ATG2B: variants seen among roughly 807,000 people sequenced by gnomAD.
The protein encoded by ATG2B is autophagy-related protein 2 homolog B.
ATG2B carries 121 observed loss-of-function variants against 241.3 expected under a neutral mutation model. The observed-to-expected ratio is 0.50, with a 90% CI of 0.43 to 0.58. The LOEUF is 0.58. Among genes scored for constraint, ATG2B ranks in the 20% least tolerant of loss-of-function variants. The pLI, the probability that ATG2B is intolerant of heterozygous loss-of-function variation, is 0.00. For missense variants in ATG2B, 2,306 were observed against 2,491.6 expected (o/e 0.93, Z 1.59); for synonymous variants, 858 against 876.6 (o/e 0.98, Z 0.37).
intron 14 of ATG2B, among the ~76,000 whole-genome samples, chr14:96,326,679 C>T (rs1479563834): frequency 1.3e-5 from 2 of 152,196 alleles, no homozygotes; most frequent in Non-Finnish European, 2.9e-5. Context: ...CAATCAATTT[C>T]TAACCTCCAT....
chr14:96,284,569 A>G lies in ATG2B; in HGVS notation c.*1186T>C, dbSNP rs948053581. On this transcript the variant is annotated 3_prime_UTR_variant, in exon 42 of 42. Transcript: ENST00000359933. Reference sequence around the variant, plus strand: ...TTCCACCTTTTCTTTCTGCTGGATCAATCTAAAGTCAGGAATTGACAACAA... The same window carrying G: ...TTCCACCTTTTCTTTCTGCTGGATCGATCTAAAGTCAGGAATTGACAACAA... The G allele has an allele frequency of 9.2e-5, 14 of 152,206 alleles. 1 individual carries two copies. The East Asian group carries it at 1.2e-3, about 13-fold the overall frequency. 9.4% of individuals were successfully genotyped at this position (152,206 alleles called of 1,614,324 possible). A position where few individuals can be genotyped will look rare whatever the true frequency, so the allele number is the denominator to read the frequency against.
intron 23 of ATG2B, 38 bp from the exon 24 acceptor site, chr14:96,313,473 GA>G (rs746090644): frequency 9.8e-5 from 112 of 1,140,266 alleles, no homozygotes; most frequent in South Asian, 1.9e-4. Flanking sequence ...TGCTTTAGAA[GA>G]AAAAAAAGGT....
At chr14:96,302,759 TAA>T (rs1336978070) in intron 33 of ATG2B, among the ~76,000 whole-genome samples, 1 of 152,232 alleles carries the variant, frequency 6.6e-6, no homozygotes, top group Non-Finnish European at 1.5e-5. Context: ...TACTAAAATG[TAA>T]AGAGTGTTAG....
chr14:96,340,024 T>G (rs1887968773), intron 6 of ATG2B, among the ~76,000 whole-genome samples: 1 of 145,082 alleles, frequency 6.9e-6, no homozygotes, highest in Admixed American at 7.2e-5. Flanking sequence ...TACAGCACAC[T>G]ATTCACATAG....
chr14:96,304,181 C>T (rs976336217), intron 32 of ATG2B, among the ~76,000 whole-genome samples: 6 of 152,208 alleles, frequency 3.9e-5, no homozygotes, highest in African/African-American at 1.4e-4. Flanking sequence ...CCTCAGACTT[C>T]CTGAATCAGA....
intron 29 of ATG2B, among the ~76,000 whole-genome samples, chr14:96,309,198 G>A (rs1887082873): frequency 6.6e-6 from 1 of 152,066 alleles, no homozygotes; most frequent in Non-Finnish European, 1.5e-5. Context: ...CCAGTTTTGT[G>A]CCCATTTGTT....
chr14:96,317,160 C>T lies in ATG2B; in HGVS notation c.3195G>A (p.Val1065=), dbSNP rs2139865327. 4.3e-6 allele frequency: 7 copies of T among 1,611,196 alleles called. No homozygotes were observed. Among genetic ancestry groups the T allele is most frequent in the African/African-American group, 1.3e-5 (1 of 74,886 alleles). The part of the protein sequence containing the change: ...LLNINHGLIA[V]FTDVKQDNGD... ...TAAACCTCACCTTCACATCTGTGAACACTGCTATTAATCCATGATTAATAT... is the reference window on the plus strand; with the variant it reads ...TAAACCTCACCTTCACATCTGTGAATACTGCTATTAATCCATGATTAATAT... The change falls in exon 20 of 42, where the codon GTG becomes GTA. Residue 1065 remains valine (V), a synonymous_variant. Coordinates refer to ENST00000359933, the MANE Select transcript of ATG2B (RefSeq NM_018036.7).
intron 37 of ATG2B, 26 bp downstream of exon 37, chr14:96,292,003 G>A: frequency 3.4e-6 from 5 of 1,468,408 alleles, no homozygotes; most frequent in Non-Finnish European, 4.7e-6. Context: ...ATAATTTTGT[G>A]GAGTATATTT....
chr14:96,293,372 T>C (rs1196008423), intron 36 of ATG2B, among the ~76,000 whole-genome samples: 2 of 152,148 alleles, frequency 1.3e-5, no homozygotes. Flanking sequence ...ATGGCACATA[T>C]TAATAGGACA....
At chr14:96,335,339 A>G (rs1887841929) in intron 6 of ATG2B, among the ~76,000 whole-genome samples, 2 of 152,180 alleles carry the variant, frequency 1.3e-5, no homozygotes, top group African/African-American at 2.4e-5. Context: ...CAGGAGAAAA[A>G]GGGATTCCTT....
intron 6 of ATG2B, among the ~76,000 whole-genome samples, chr14:96,335,839 G>A (rs1399999198): frequency 6.6e-6 from 1 of 152,086 alleles, no homozygotes; most frequent in Non-Finnish European, 1.5e-5. Context: ...ACTTTCATTA[G>A]AATGGCCAAT....
chr14:96,349,928 C>T (rs1888269618), intron 1 of ATG2B, among the ~76,000 whole-genome samples: 2 of 151,992 alleles, frequency 1.3e-5, no homozygotes, highest in African/African-American at 4.8e-5. Flanking sequence ...GAAGCCAAGG[C>T]GGGAGGATCT....
At chr14:96,304,664 T>C (rs1886887318) in intron 31 of ATG2B, 61 bp from the exon 32 acceptor site, 2 of 1,254,974 alleles carry the variant, frequency 1.6e-6, no homozygotes, top group African/African-American at 1.5e-5. Flanking sequence ...AGAAAGTCAA[T>C]GAATGACATT....
At chr14:96,326,488 A>T (rs1887591016) in intron 14 of ATG2B, among the ~76,000 whole-genome samples, 1 of 152,186 alleles carries the variant, frequency 6.6e-6, no homozygotes, top group Non-Finnish European at 1.5e-5. Context: ...CAAGGGTATG[A>T]TCTCATCAAA....
At position 96,281,134 on chromosome 14, in the gene ATG2B, CA is replaced by C. The variant is rs1001916272; in HGVS notation, c.*4620del. Reference sequence around the variant, plus strand: ...ACCCAAGATCTGCTATCAGAAGCATCAGGGGCACTGGAACATCATTTCCCAA... The same window carrying C: ...ACCCAAGATCTGCTATCAGAAGCATCGGGGCACTGGAACATCATTTCCCAA... On this transcript the variant is annotated 3_prime_UTR_variant, in exon 42 of 42. Transcript: ENST00000359933. 2 of 152,134 alleles carry C rather than the reference CA, an allele frequency of 1.3e-5. No homozygotes were observed. Among genetic ancestry groups the C allele is most frequent in the African/African-American group, 4.8e-5 (2 of 41,418 alleles). The allele number at this position is 152,134 out of a possible 1,614,324, so 9.4% of individuals were successfully genotyped here. A position where few individuals can be genotyped will look rare whatever the true frequency, so the allele number is the denominator to read the frequency against.
chr14:96,314,701 T>C lies in ATG2B; in HGVS notation c.3642+453A>G. ...TGTTTTGTTTTGTTTTGTTTTGTTTTGTTTTGTTTTGTTTTTTGAGACAGA... is the reference window on the plus strand; with the variant it reads ...TGTTTTGTTTTGTTTTGTTTTGTTTCGTTTTGTTTTGTTTTTTGAGACAGA... On this transcript the variant is annotated intron_variant, in intron 23 of 41. Coordinates refer to ENST00000359933, the MANE Select transcript of ATG2B (RefSeq NM_018036.7). Among the ~76,000 whole-genome samples the C allele has an allele frequency of 2.1e-5, 3 of 144,468 alleles. No individual in the cohort carries two copies. The South Asian group carries it at 6.3e-4, about 30-fold the overall frequency. The allele number at this position is 144,468 out of a possible 152,430, so 94.8% of individuals were successfully genotyped here. A position where few individuals can be genotyped will look rare whatever the true frequency, so the allele number is the denominator to read the frequency against.
rs1259694172 is a variant in ATG2B at position 96,309,574 on chromosome 14, T to C, written c.4182A>G (p.Ser1394=). 8.7e-6 allele frequency: 14 copies of C among 1,613,180 alleles called. No individual in the cohort carries two copies. Among genetic ancestry groups the C allele is most frequent in the Non-Finnish European group, 9.3e-6 (11 of 1,179,576 alleles). Residue 1394 remains serine, a synonymous_variant, in exon 29 of 42, where the codon TCA becomes TCG. Transcript: ENST00000359933. ...RRSKVDSSGR[S]SSRGPVLPEA... Reference sequence around the variant, plus strand: ...CAGGAAGTACTGGACCACGTGAGGATGATCGACCACTGGAATCTACCTATA... The same window carrying C: ...CAGGAAGTACTGGACCACGTGAGGACGATCGACCACTGGAATCTACCTATA...
At position 96,291,623 on chromosome 14, in the gene ATG2B, G is replaced by A; in HGVS notation, c.5556C>T (p.Leu1852=). ...ACCCATGTCGATAGGAAAGCCTCTT[G>A]AGCTTTAGTTCAGAGCAGTTTAACT... The part of the protein sequence containing the change: ...LAQLNCSELK[L]KRLSYRHGLL... Residue 1852 remains leucine, a synonymous_variant, in exon 38 of 42, where the codon CTC becomes CTT. Transcript: ENST00000359933. 2 of 1,604,272 alleles carry A rather than the reference G, an allele frequency of 1.2e-6. No individual in the cohort carries two copies. The highest frequency in any genetic ancestry group is 1.1e-5 in the South Asian group (1 of 89,516).
chr14:96,332,458 A>G (rs764622560), intron 9 of ATG2B, 43 bp downstream of exon 9: 1 of 1,612,182 alleles, frequency 6.2e-7, no homozygotes, highest in Admixed American at 1.7e-5. Flanking sequence ...AGAATTTTAG[A>G]AGCAACTTTT....
Sources: allele counts gnomAD v4.1 joint callset (sites outside exome capture counted in the v4.1 genomes callset), GRCh38; gene constraint gnomAD v4.1.1; transcripts MANE v1.5; gene names NCBI Gene and HGNC (gene_info 2026-07-23, HGNC 2026-07-21).